SANBR: variants seen among roughly 807,000 people sequenced by gnomAD.
SANBR encodes SANT and BTB domain regulator of CSR.
SANBR carries 77 observed loss-of-function variants against 101.8 expected under a neutral mutation model. The observed-to-expected ratio is 0.76, with a 90% CI of 0.63 to 0.91. The LOEUF (loss-of-function observed/expected upper bound fraction) is 0.91. Ranked by LOEUF, SANBR falls within the 40% of genes least tolerant of loss-of-function variation. The pLI is 0.00. For missense variants in SANBR, 875 were observed against 853.0 expected (o/e 1.03, Z -0.32); for synonymous variants, 279 against 274.7 (o/e 1.02, Z -0.15).
chr2:61,098,069 A>G (rs1461835237), intron 12 of SANBR, among the ~76,000 whole-genome samples: 1 of 147,072 alleles, frequency 6.8e-6, no homozygotes, highest in Non-Finnish European at 1.5e-5. Flanking sequence ...ATATATATAT[A>G]TATATATATT....
At chr2:61,066,234 C>G (rs1297803888) in intron 1 of SANBR, 4 of 153,012 alleles carry the variant, frequency 2.6e-5, no homozygotes, top group Non-Finnish European at 5.8e-5. Context: ...CGTCACCCGC[C>G]CGGTCCATGT....
intron 9 of SANBR, 54 bp from the exon 10 acceptor site, chr2:61,088,304 T>C (rs979321052): frequency 8.4e-5 from 131 of 1,566,664 alleles, no homozygotes; most frequent in Middle Eastern, 3.4e-4. Flanking sequence ...TTCTTTAATT[T>C]ACTACATTTA....
chr2:61,117,706 A>T (rs1235013316), intron 19 of SANBR, among the ~76,000 whole-genome samples, 166 bp downstream of exon 19: 1 of 152,158 alleles, frequency 6.6e-6, no homozygotes, highest in Non-Finnish European at 1.5e-5. Context: ...TTACTAGACA[A>T]CCCCACTGAA....
chr2:61,106,776 G>GA, intron 14 of SANBR, 114 bp downstream of exon 14: 1 of 627,324 alleles, frequency 1.6e-6, no homozygotes. Context: ...CTAATCATAA[G>GA]AAGGTATTAT....
In SANBR at chr2:61,073,507, T is replaced by C. The variant is rs751743350; in HGVS notation, c.387T>C (p.Asn129=). The change falls in exon 5 of 22, where the codon AAT becomes AAC. Residue 129 remains asparagine, a synonymous_variant. Coordinates refer to ENST00000402291, the MANE Select transcript of SANBR (RefSeq NM_001129993.3). ...STRNCSSESE[N]CTTHNGGEMT... is the part of the protein sequence containing the mutation. ...GGAATTGTTCTTCAGAAAGTGAAAA[T>C]TGTACTACTCATAATGGTGGAGAAA... 2.0e-5 allele frequency: 32 copies of C among 1,590,676 alleles called. No individual in the cohort carries two copies. Among genetic ancestry groups the C allele is most frequent in the Non-Finnish European group, 2.7e-5 (31 of 1,165,900 alleles).
At chr2:61,084,020 A>T (rs1033316231) in intron 8 of SANBR, among the ~76,000 whole-genome samples, 10 of 152,134 alleles carry the variant, frequency 6.6e-5, no homozygotes, top group Non-Finnish European at 4.4e-5. Context: ...GTGCAGTAGC[A>T]AGATACCAGC....
rs1465854557 is a variant in SANBR at position 61,115,994 on chromosome 2, C to G, written c.1760C>G (p.Pro587Arg). Residue 587 changes from proline (P) to arginine (R), a missense_variant, in exon 17 of 22, where the codon CCA becomes CGA. Pro to Arg is a moderately radical substitution (Grantham distance 103, BLOSUM62 -2). Transcript: ENST00000402291. ...TCATTATCAGGGAAAAAGGAGAAGC[C>G]AAAGAAGTTCACTAGACAACCAAAA... is the stretch of plus-strand genomic sequence containing the variant. ...VSKKQRKKEKPKKFTRQPKKQ... is the reference protein window; with the variant it reads ...VSKKQRKKEKRKKFTRQPKKQ... 6.2e-7 allele frequency: 1 copy of G among 1,610,374 alleles called. No individual in the cohort carries two copies. Among genetic ancestry groups the G allele is most frequent in the East Asian group, 2.2e-5 (1 of 44,766 alleles).
intron 19 of SANBR, 141 bp from the exon 20 acceptor site, chr2:61,117,887 A>G: frequency 1.5e-6 from 1 of 673,876 alleles, no homozygotes. Flanking sequence ...TAAATTCTTC[A>G]CAGATATATA....
At chr2:61,129,242 G>A (rs1684608094), downstream of SANBR, among the ~76,000 whole-genome samples, 2 of 152,020 alleles carry the variant, frequency 1.3e-5, no homozygotes, top group Non-Finnish European at 2.9e-5. Flanking sequence ...TCAGGAGTTT[G>A]AGACCAGCCT....
chr2:61,089,647 C>T (rs892030348), intron 10 of SANBR: 1 of 152,010 alleles, frequency 6.6e-6, no homozygotes, highest in African/African-American at 2.4e-5. Context: ...TGCACTCCAG[C>T]CTAGACAACA....
rs1164459178 is a variant in SANBR, at chr2:61,118,010, CTG to C, written c.1940-16_1940-15del. On this transcript the variant is annotated splice_polypyrimidine_tract_variant and intron_variant, in intron 19 of 21. Coordinates refer to ENST00000402291, the MANE Select transcript of SANBR (RefSeq NM_001129993.3). Reference sequence around the variant, plus strand: ...TCATCCTTATGAAAAGTAAAGTTTACTGTTTTTTTCCCTTCAGATCAACGGCG... The same window carrying C: ...TCATCCTTATGAAAAGTAAAGTTTACTTTTTTTCCCTTCAGATCAACGGCG... 1 of 1,587,624 alleles carries C rather than the reference CTG, an allele frequency of 6.3e-7. No individual in the cohort carries two copies. Among genetic ancestry groups the C allele is most frequent in the Non-Finnish European group, 8.6e-7 (1 of 1,160,942 alleles).
intron 4 of SANBR, among the ~76,000 whole-genome samples, chr2:61,072,472 A>C (rs1681524037): frequency 6.6e-6 from 1 of 152,082 alleles, no homozygotes; most frequent in Admixed American, 6.6e-5. Context: ...AGCTACTTGG[A>C]AGGCTGAGGT....
chr2:61,069,306 T>A (rs1429749730), intron 2 of SANBR, among the ~76,000 whole-genome samples: 1 of 152,166 alleles, frequency 6.6e-6, no homozygotes, highest in African/African-American at 2.4e-5. Flanking sequence ...CACAAAATAA[T>A]CCCTTTATTT....
chr2:61,136,711 C>T (rs1232863147), intron 21 of SANBR, among the ~76,000 whole-genome samples: 1 of 150,978 alleles, frequency 6.6e-6, no homozygotes, highest in South Asian at 2.1e-4. Flanking sequence ...GGGGCTCATG[C>T]CTGTAATCCC....
rs750669896 is a variant in SANBR, at chr2:61,103,992, C to G, written c.1505C>G (p.Thr502Arg). 2 of 1,613,848 alleles carry G rather than the reference C, an allele frequency of 1.2e-6. No homozygotes were observed. The highest frequency in any genetic ancestry group is 1.7e-6 in the Non-Finnish European group (2 of 1,179,798). Residue 502 changes from threonine to arginine, a missense_variant, in exon 13 of 22, where the codon ACA (threonine) becomes AGA (arginine). By Grantham distance (71) the Thr-to-Arg change is moderately conservative. Coordinates refer to ENST00000402291, the MANE Select transcript of SANBR (RefSeq NM_001129993.3). ...DVIVVPFSKD[T>R]VSDVGVGLCD... ...ATTGTTGTGCCTTTTTCAAAAGATA[C>G]AGTTAGGTGAGGGGTGGAAAAACCC...
At chr2:61,121,020 T>C (rs915072502) in intron 20 of SANBR, among the ~76,000 whole-genome samples, 165 bp from the exon 21 acceptor site, 1 of 152,182 alleles carries the variant, frequency 6.6e-6, no homozygotes, top group African/African-American at 2.4e-5. Flanking sequence ...CCCACACCTG[T>C]ACACTAAAAT....
At chr2:61,113,272 A>G (rs371800061) in intron 16 of SANBR, among the ~76,000 whole-genome samples, 2 of 152,162 alleles carry the variant, frequency 1.3e-5, no homozygotes, top group African/African-American at 2.4e-5. Flanking sequence ...GAGTCCTCCA[A>G]AATTATTCTT....
intron 12 of SANBR, among the ~76,000 whole-genome samples, chr2:61,101,459 C>T (rs75475369): frequency 0.062 from 9,427 of 152,224 alleles, 1,018 homozygotes; most frequent in African/African-American, 0.22. Context: ...ATTGGCTGGG[C>T]GCTGTGGCTC....
At chr2:61,080,432 A>G (rs1039417403) in intron 6 of SANBR, among the ~76,000 whole-genome samples, 8 of 152,018 alleles carry the variant, frequency 5.3e-5, no homozygotes, top group African/African-American at 1.2e-4. Context: ...ATTTGTGTTT[A>G]AGAGCCTTCA....
Sources: allele counts gnomAD v4.1 joint callset (sites outside exome capture counted in the v4.1 genomes callset), GRCh38; gene constraint gnomAD v4.1.1; transcripts MANE v1.5; gene names NCBI Gene and HGNC (gene_info 2026-07-23, HGNC 2026-07-21).